The following BZW2 variants were observed in gnomAD, a reference collection of about 807,000 sequenced individuals.
The protein encoded by BZW2 is eIF5-mimic protein 1.
Under a neutral mutation model 53.2 loss-of-function variants are expected in BZW2, and 23 were observed. The ratio of observed to expected loss-of-function variants is 0.43; its 90% CI spans 0.31 to 0.61. The LOEUF (loss-of-function observed/expected upper bound fraction) is 0.61, where lower values mean the gene tolerates loss of function less well. Among genes scored for constraint, BZW2 ranks in the 20% least tolerant of loss-of-function variants. The probability of loss-of-function intolerance (pLI) is 0.09; values close to 1 mark genes in which losing one functional copy is unlikely to be tolerated. For missense variants in BZW2, 409 were observed against 503.1 expected (o/e 0.81, Z 1.79); for synonymous variants, 227 against 186.4 (o/e 1.22, Z -1.77).
chr7:16,690,820 T>G (rs781564216), intron 7 of BZW2, among the ~76,000 whole-genome samples: 4 of 152,206 alleles, frequency 2.6e-5, no homozygotes, highest in Admixed American at 6.5e-5. Flanking sequence ...CTCCCTACAA[T>G]TTCTTTCTTC....
intron 7 of BZW2, among the ~76,000 whole-genome samples, chr7:16,693,121 T>G (rs1357775304): frequency 6.6e-6 from 1 of 152,202 alleles, no homozygotes; most frequent in African/African-American, 2.4e-5. Flanking sequence ...GTAATGTGAT[T>G]TTGACTCTCA....
At chr7:16,691,391 A>G (rs1482439892) in intron 7 of BZW2, among the ~76,000 whole-genome samples, 3 of 152,214 alleles carry the variant, frequency 2.0e-5, no homozygotes, top group Admixed American at 1.3e-4. Flanking sequence ...TATGAAGGGA[A>G]CATATTTCTT....
intron 3 of BZW2, among the ~76,000 whole-genome samples, chr7:16,675,405 A>G (rs905136228): frequency 1.1e-4 from 16 of 152,334 alleles, no homozygotes; most frequent in African/African-American, 3.4e-4. Context: ...CAACATAATG[A>G]AAGATTGCCT....
At chr7:16,693,086 T>G (rs924660582) in intron 7 of BZW2, among the ~76,000 whole-genome samples, 6 of 152,142 alleles carry the variant, frequency 3.9e-5, no homozygotes, top group Non-Finnish European at 7.4e-5. Flanking sequence ...TAGAAAACTT[T>G]TGGAAATTCT....
intron 5 of BZW2, among the ~76,000 whole-genome samples, chr7:16,685,605 A>G (rs1259451203): frequency 6.6e-6 from 1 of 152,196 alleles, no homozygotes; most frequent in African/African-American, 2.4e-5. Context: ...CACATAGTCA[A>G]ACATAAATCC....
chr7:16,701,925 C>T (rs1783681024), intron 10 of BZW2, among the ~76,000 whole-genome samples: 1 of 152,112 alleles, frequency 6.6e-6, no homozygotes, highest in South Asian at 2.1e-4. Context: ...GGGAGGGCAC[C>T]TAACTTGTTA....
At chr7:16,646,918 C>T (rs1205463906) in intron 1 of BZW2, among the ~76,000 whole-genome samples, 2 of 152,022 alleles carry the variant, frequency 1.3e-5, no homozygotes, top group Admixed American at 1.3e-4. Context: ...CTAGAGTTCT[C>T]GGTTCTCTTT....
chr7:16,654,978 T>C (rs1298777214), intron 1 of BZW2, among the ~76,000 whole-genome samples: 1 of 152,206 alleles, frequency 6.6e-6, no homozygotes, highest in Non-Finnish European at 1.5e-5. Context: ...AAAGGTTACC[T>C]CTCACTTTCA....
chr7:16,678,657 A>G (rs1782842223), intron 3 of BZW2, among the ~76,000 whole-genome samples: 1 of 152,240 alleles, frequency 6.6e-6, no homozygotes. Flanking sequence ...AATAGCAATA[A>G]TTAGCCCAGA....
At chr7:16,648,530 C>T (rs1484270863) in intron 1 of BZW2, among the ~76,000 whole-genome samples, 1 of 152,216 alleles carries the variant, frequency 6.6e-6, no homozygotes, top group Non-Finnish European at 1.5e-5. Flanking sequence ...GCCTGCTTCT[C>T]TCTCACCTGT....
intron 3 of BZW2, among the ~76,000 whole-genome samples, chr7:16,678,699 C>T (rs1039818722): frequency 6.6e-6 from 1 of 152,048 alleles, no homozygotes; most frequent in South Asian, 2.1e-4. Flanking sequence ...AAGTTTGTTC[C>T]ATATCAGGGG....
intron 3 of BZW2, among the ~76,000 whole-genome samples, chr7:16,675,558 A>C (rs1390114175): frequency 6.6e-6 from 1 of 152,124 alleles, no homozygotes; most frequent in Non-Finnish European, 1.5e-5. Context: ...CTCTTATTTC[A>C]AGCAATCTGT....
At chr7:16,683,709 A>G (rs187085243) in intron 5 of BZW2, among the ~76,000 whole-genome samples, 18 of 152,306 alleles carry the variant, frequency 1.2e-4, no homozygotes, top group Admixed American at 3.9e-4. Context: ...TCCTGTATTT[A>G]TATATGGCAC....
intron 8 of BZW2, among the ~76,000 whole-genome samples, chr7:16,695,706 G>A (rs541693491): frequency 1.3e-4 from 20 of 152,062 alleles, no homozygotes; most frequent in African/African-American, 3.6e-4. Flanking sequence ...AATATAAAGC[G>A]TCCTTTCTTT....
intron 2 of BZW2, among the ~76,000 whole-genome samples, 184 bp from the exon 3 acceptor site, chr7:16,674,228 C>T (rs1233642787): frequency 6.6e-6 from 1 of 152,158 alleles, no homozygotes; most frequent in Non-Finnish European, 1.5e-5. Flanking sequence ...AAGAGACATC[C>T]CTTCTTATTC....
At chr7:16,696,611 T>C (rs1328645087) in intron 8 of BZW2, among the ~76,000 whole-genome samples, 2 of 152,218 alleles carry the variant, frequency 1.3e-5, no homozygotes, top group Non-Finnish European at 2.9e-5. Context: ...CAAGTATCCC[T>C]ACTCTACTAG....
intron 11 of BZW2, among the ~76,000 whole-genome samples, chr7:16,705,491 T>C (rs555998650): frequency 2.2e-4 from 33 of 152,116 alleles, no homozygotes; most frequent in East Asian, 3.9e-4. Context: ...CGAGACCATC[T>C]TGCCTAACAC....
At chr7:16,656,081 A>ATG (rs200562547) in intron 1 of BZW2, among the ~76,000 whole-genome samples, 9,761 of 150,824 alleles carry the variant, frequency 0.065, 360 homozygotes, top group South Asian at 0.11. Context: ...AGTCATATAT[A>ATG]TGTGTGTGTG....
intron 3 of BZW2, among the ~76,000 whole-genome samples, chr7:16,680,832 G>A (rs1262124101): frequency 3.9e-5 from 6 of 152,010 alleles, no homozygotes; most frequent in Non-Finnish European, 7.4e-5. Flanking sequence ...TAGGCCAGGT[G>A]CAGTGGCTCA....
Sources: allele counts gnomAD v4.1 joint callset (sites outside exome capture counted in the v4.1 genomes callset), GRCh38; gene constraint gnomAD v4.1.1; transcripts MANE v1.5; gene names NCBI Gene and HGNC (gene_info 2026-07-23, HGNC 2026-07-21).